RIMS1: variants seen among roughly 807,000 people sequenced by gnomAD.
RIMS1 encodes regulating synaptic membrane exocytosis protein 1.
In RIMS1, 83 loss-of-function variants were observed where a neutral mutation model predicts 214.1. The ratio of observed to expected loss-of-function variants is 0.39; its 90% CI spans 0.32 to 0.47. The LOEUF is 0.47. Ranked by LOEUF, RIMS1 falls within the 20% of genes least tolerant of loss-of-function variation. RIMS1 has a pLI of 0.99. For missense variants in RIMS1, 2,050 were observed against 2,161.8 expected, an observed-to-expected ratio of 0.95 and a Z score of 1.03; for synonymous variants, 793 against 786.8, an observed-to-expected ratio of 1.01 and a Z score of -0.13.
At chr6:71,946,504 C>G (rs1023267381) in intron 1 of RIMS1, among the ~76,000 whole-genome samples, 14 of 152,096 alleles carry the variant, frequency 9.2e-5, no homozygotes, top group African/African-American at 1.9e-4. Context: ...TTGTCTTTGA[C>G]AAAGATGCTA....
At chr6:71,890,390 T>C (rs903130674) in intron 1 of RIMS1, among the ~76,000 whole-genome samples, 1 of 43,176 alleles carries the variant, frequency 2.3e-5, no homozygotes, top group Admixed American at 1.9e-4. Flanking sequence ...CTTAATAGTG[T>C]TTTGGATGTG....
At position 72,170,531 on chromosome 6, in the gene RIMS1, G is replaced by C. The variant is rs567793874; in HGVS notation, c.472-9044G>C. Among the ~76,000 whole-genome samples, 320 of 152,130 alleles carry C rather than the reference G, an allele frequency of 2.1e-3. 4 individuals are homozygous for C. The highest frequency in any genetic ancestry group is 6.9e-3 in the African/African-American group (286 of 41,502). The stretch of plus-strand genomic sequence containing the variant: ...GCTAATTTTTTGTATTTTTAGTAGA[G>C]ATAGGGTTTCACTATGTTGGCCAAG... On this transcript the variant is annotated intron_variant, in intron 4 of 33. Coordinates refer to ENST00000521978, the MANE Select transcript of RIMS1 (RefSeq NM_014989.7).
At chr6:72,224,633 C>T (rs2059626089) in intron 6 of RIMS1, among the ~76,000 whole-genome samples, 1 of 152,134 alleles carries the variant, frequency 6.6e-6, no homozygotes, top group Non-Finnish European at 1.5e-5. Context: ...GAAGATAATT[C>T]CTTTCTTGAG....
intron 28 of RIMS1, among the ~76,000 whole-genome samples, chr6:72,323,178 T>C (rs1460204294): frequency 1.3e-5 from 2 of 152,086 alleles, no homozygotes; most frequent in Non-Finnish European, 2.9e-5. Context: ...AATCTTTCTG[T>C]CAATCAAATG....
chr6:72,341,086 T>C (rs1403465746), intron 29 of RIMS1, among the ~76,000 whole-genome samples: 1 of 152,036 alleles, frequency 6.6e-6, no homozygotes. Flanking sequence ...TCTCTGTTTG[T>C]CTGTTATTGG....
intron 4 of RIMS1, chr6:72,175,344 A>G (rs1380974725): frequency 9.5e-6 from 4 of 419,172 alleles, no homozygotes; most frequent in African/African-American, 2.1e-5. Context: ...TAAGTACCTC[A>G]GATGGATTCT....
chr6:72,182,118 C>G (rs1461263888), intron 5 of RIMS1, among the ~76,000 whole-genome samples, 166 bp from the exon 6 acceptor site: 1 of 152,202 alleles, frequency 6.6e-6, no homozygotes, highest in Non-Finnish European at 1.5e-5. Context: ...CATTAGATCC[C>G]TTACCTTGTA....
chr6:71,913,608 T>A (rs1458647366), intron 1 of RIMS1, among the ~76,000 whole-genome samples: 1 of 152,140 alleles, frequency 6.6e-6, no homozygotes, highest in Non-Finnish European at 1.5e-5. Context: ...CATAGGAGCT[T>A]AGAAATGACT....
chr6:71,929,097 G>A (rs996794642), intron 1 of RIMS1, among the ~76,000 whole-genome samples: 6 of 152,062 alleles, frequency 3.9e-5, no homozygotes, highest in African/African-American at 1.4e-4. Context: ...CCTCTCCTTA[G>A]CACTTGTCTG....
chr6:72,127,142 A>T (rs1424436837), intron 4 of RIMS1, among the ~76,000 whole-genome samples: 2 of 152,148 alleles, frequency 1.3e-5, no homozygotes, highest in African/African-American at 4.8e-5. Flanking sequence ...TTTTCCATAT[A>T]TTTTGGTGCG....
intron 1 of RIMS1, among the ~76,000 whole-genome samples, chr6:71,962,259 G>A (rs962001558): frequency 6.6e-6 from 1 of 152,016 alleles, no homozygotes; most frequent in Non-Finnish European, 1.5e-5. Context: ...ATTAATCTTT[G>A]TAGTGAATCT....
chr6:72,080,619 C>T (rs940127058), intron 2 of RIMS1, among the ~76,000 whole-genome samples: 1 of 152,192 alleles, frequency 6.6e-6, no homozygotes, highest in Admixed American at 6.5e-5. Flanking sequence ...GAAGAAAGCT[C>T]ACATAACCTG....
At chr6:72,176,747 C>CA (rs1360351980) in intron 4 of RIMS1, among the ~76,000 whole-genome samples, 1 of 151,938 alleles carries the variant, frequency 6.6e-6, no homozygotes, top group Non-Finnish European at 1.5e-5. Context: ...AAAAAATTAA[C>CA]AAAGCATCAC....
chr6:72,220,808 G>C (rs1364401882), intron 6 of RIMS1, among the ~76,000 whole-genome samples: 2 of 152,034 alleles, frequency 1.3e-5, no homozygotes, highest in Non-Finnish European at 2.9e-5. Context: ...GGTTTCTCTT[G>C]ACAATAGGCT....
At chr6:72,262,391 T>C (rs1426057228) in intron 19 of RIMS1, 7 of 980,350 alleles carry the variant, frequency 7.1e-6, no homozygotes, top group Non-Finnish European at 8.5e-6. Context: ...AATTTAAAAA[T>C]AAATGAGTAT....
intron 28 of RIMS1, among the ~76,000 whole-genome samples, chr6:72,323,990 A>T (rs2154321223): frequency 1.3e-5 from 2 of 151,802 alleles, no homozygotes; most frequent in East Asian, 3.9e-4. Flanking sequence ...TTACCCAGAA[A>T]TATCTTTCAG....
At chr6:72,234,053 A>G (rs893741977) in intron 7 of RIMS1, among the ~76,000 whole-genome samples, 3 of 152,034 alleles carry the variant, frequency 2.0e-5, no homozygotes, top group African/African-American at 4.8e-5. Flanking sequence ...AATAATTACT[A>G]TAAGTAAGAT....
At chr6:72,184,968 C>T (rs1357582114) in intron 6 of RIMS1, among the ~76,000 whole-genome samples, 1 of 152,114 alleles carries the variant, frequency 6.6e-6, no homozygotes, top group Non-Finnish European at 1.5e-5. Context: ...ACAAGAAGGC[C>T]TAGACAAGAG....
At chr6:72,263,016 A>G in intron 19 of RIMS1, 1 of 754,394 alleles carries the variant, frequency 1.3e-6, no homozygotes, top group Non-Finnish European at 1.6e-6. Flanking sequence ...AGTTTATTTT[A>G]CGACTAATAG....
Sources: allele counts gnomAD v4.1 joint callset (sites outside exome capture counted in the v4.1 genomes callset), GRCh38; gene constraint gnomAD v4.1.1; transcripts MANE v1.5; gene names NCBI Gene and HGNC (gene_info 2026-07-23, HGNC 2026-07-21).